R3HDM1: variants seen among roughly 807,000 people sequenced by gnomAD.
The protein encoded by R3HDM1 is R3H domain-containing protein 1.
A neutral mutation model predicts 141.1 loss-of-function variants in R3HDM1; 46 were observed. The observed-to-expected ratio is 0.33, with a 90% CI of 0.26 to 0.42. The LOEUF (loss-of-function observed/expected upper bound fraction) is 0.42. Ranked by LOEUF, R3HDM1 falls within the 10% of genes least tolerant of loss-of-function variation. R3HDM1 has a pLI of 1.00. For missense variants in R3HDM1, 1,184 were observed against 1,368.3 expected, an observed-to-expected ratio of 0.87 and a Z score of 2.12; for synonymous variants, 435 against 472.9, an observed-to-expected ratio of 0.92 and a Z score of 1.04.
chr2:135,722,457 G>A lies in R3HDM1; in HGVS notation c.2965-12G>A. ...TATTAACGTTGTTTCTCAACTATTT[G>A]TGGGTTTTCAGGGTCAGCCTGGCAG... On this transcript the variant is annotated splice_polypyrimidine_tract_variant and intron_variant, in intron 25 of 26. Transcript: ENST00000683871. 2 of 1,613,022 alleles carry A rather than the reference G, an allele frequency of 1.2e-6. No homozygotes were observed. The highest frequency in any genetic ancestry group is 2.2e-5 in the East Asian group (1 of 44,870).
At chr2:135,547,867 A>G (rs1032259899) in intron 1 of R3HDM1, among the ~76,000 whole-genome samples, 2 of 141,720 alleles carry the variant, frequency 1.4e-5, no homozygotes, top group Non-Finnish European at 3.0e-5. Flanking sequence ...TCCACTTCCC[A>G]GGTTCAAGTG....
chr2:135,691,405 G>A (rs1439760572), intron 21 of R3HDM1, among the ~76,000 whole-genome samples: 1 of 152,136 alleles, frequency 6.6e-6, no homozygotes, highest in Non-Finnish European at 1.5e-5. Context: ...CTTGAGCTCA[G>A]GAGTTCAAGA....
At chr2:135,708,540 T>C (rs2075224681) in intron 21 of R3HDM1, among the ~76,000 whole-genome samples, 1 of 152,220 alleles carries the variant, frequency 6.6e-6, no homozygotes, top group African/African-American at 2.4e-5. Context: ...AGATATAAAT[T>C]ATGGCTCTCA....
intron 20 of R3HDM1, among the ~76,000 whole-genome samples, chr2:135,677,139 T>C (rs2069326584): frequency 6.6e-6 from 1 of 152,188 alleles, no homozygotes; most frequent in African/African-American, 2.4e-5. Context: ...GCAAGCATAT[T>C]CCATATAATT....
chr2:135,562,234 C>G (rs544673371), intron 1 of R3HDM1, among the ~76,000 whole-genome samples: 1 of 152,286 alleles, frequency 6.6e-6, no homozygotes. Context: ...GGCATCCAGG[C>G]TTTACATTTG....
chr2:135,669,322 C>G (rs2067979548), intron 19 of R3HDM1: 3 of 985,258 alleles, frequency 3.0e-6, no homozygotes, highest in Non-Finnish European at 3.6e-6. Context: ...TGGCTACCAT[C>G]TGAACTAACT....
rs1036077182 is a variant in R3HDM1, at chr2:135,714,109, C to T, written c.2737-1441C>T. 1.6e-4 allele frequency among the ~76,000 whole-genome samples: 24 copies of T among 151,462 alleles called. No individual in the cohort carries two copies. The East Asian group carries it at 4.5e-3, about 28-fold the overall frequency. ...AGCATAATTTTTTTTTAAAGTATCT[C>T]CCTACAAGATACTTAAAACTACAAA... On this transcript the variant is annotated intron_variant, in intron 23 of 26. Coordinates refer to ENST00000683871, the MANE Select transcript of R3HDM1 (RefSeq NM_001378107.1).
chr2:135,632,217 A>T lies in R3HDM1; in HGVS notation c.698+216A>T, dbSNP rs566703670. Among the ~76,000 whole-genome samples the T allele has an allele frequency of 9.2e-5, 14 of 152,172 alleles. No homozygotes were observed. The South Asian group carries it at 2.9e-3, about 32-fold the overall frequency. On this transcript the variant is annotated intron_variant, in intron 9 of 26. Transcript: ENST00000683871. ...ATGGCATATGAATGAGGACTGGGGC[A>T]TATGGTAAAAAAATAAAAATCCAGA... is the stretch of plus-strand genomic sequence containing the variant.
intron 1 of R3HDM1, among the ~76,000 whole-genome samples, chr2:135,546,254 C>T (rs182657440): frequency 2.6e-5 from 4 of 151,986 alleles, no homozygotes; most frequent in African/African-American, 2.4e-5. Flanking sequence ...GGGAGGAAGG[C>T]GATAGGCAGG....
intron 19 of R3HDM1, among the ~76,000 whole-genome samples, chr2:135,662,071 A>G (rs886974019): frequency 2.6e-5 from 4 of 152,184 alleles, no homozygotes; most frequent in Non-Finnish European, 5.9e-5. Context: ...TAATGAACTC[A>G]TTTCTCTGTA....
At chr2:135,573,099 A>AT (rs1360639358) in intron 1 of R3HDM1, among the ~76,000 whole-genome samples, 1 of 152,214 alleles carries the variant, frequency 6.6e-6, no homozygotes, top group Non-Finnish European at 1.5e-5. Context: ...AACTATGAAT[A>AT]TACTAAAAAG....
chr2:135,661,634 TTTG>T (rs2066727200), intron 19 of R3HDM1, among the ~76,000 whole-genome samples: 1 of 152,148 alleles, frequency 6.6e-6, no homozygotes, highest in Non-Finnish European at 1.5e-5. Flanking sequence ...TCTTAAGCAG[TTTG>T]TTAAGTGGCT....
intron 24 of R3HDM1, among the ~76,000 whole-genome samples, chr2:135,716,528 A>G (rs11679508): frequency 6.6e-6 from 1 of 152,036 alleles, no homozygotes; most frequent in African/African-American, 2.4e-5. Context: ...AAAGATTTAT[A>G]TACAGAAGAG....
intron 1 of R3HDM1, among the ~76,000 whole-genome samples, chr2:135,547,476 C>CTT (rs57305680): frequency 3.6e-5 from 5 of 138,138 alleles, no homozygotes; most frequent in African/African-American, 7.9e-5. Flanking sequence ...TTCTAATTGT[C>CTT]TTTTTTTTTT....
intron 15 of R3HDM1, among the ~76,000 whole-genome samples, chr2:135,644,366 G>A (rs2064143335): frequency 6.6e-6 from 1 of 151,938 alleles, no homozygotes; most frequent in Non-Finnish European, 1.5e-5. Context: ...AGCCGGGCGT[G>A]GTGGCAGGTG....
intron 1 of R3HDM1, among the ~76,000 whole-genome samples, chr2:135,579,598 G>GGT (rs1227873576): frequency 1.3e-5 from 2 of 150,028 alleles, no homozygotes; most frequent in African/African-American, 5.0e-5. Flanking sequence ...GGGGTGGCGG[G>GGT]GGGGGGTGGA....
chr2:135,656,521 G>A (rs1362397537), intron 18 of R3HDM1: 1 of 151,684 alleles, frequency 6.6e-6, no homozygotes, highest in African/African-American at 2.4e-5. Context: ...TCCTTGTGCA[G>A]GGGCCATGCT....
rs1009113590 is a variant in R3HDM1, at chr2:135,725,025, C to A, written c.*733C>A. 6.6e-6 allele frequency: 1 copy of A among 152,288 alleles called. No individual in the cohort carries two copies. The highest frequency in any genetic ancestry group is 2.4e-5 in the African/African-American group (1 of 41,316). 9.4% of individuals were successfully genotyped at this position (152,288 alleles called of 1,614,324 possible). A position where few individuals can be genotyped will look rare whatever the true frequency, so the allele number is the denominator to read the frequency against. ...AAGTATCTCTCTAATAACTAAATGCCACTTATTTGCATTCTCCTTGTGGAT... is the reference window on the plus strand; with the variant it reads ...AAGTATCTCTCTAATAACTAAATGCAACTTATTTGCATTCTCCTTGTGGAT... On this transcript the variant is annotated 3_prime_UTR_variant, in exon 27 of 27. Transcript: ENST00000683871.
At chr2:135,620,575 T>C in intron 5 of R3HDM1, 1 of 982,414 alleles carries the variant, frequency 1.0e-6, no homozygotes, top group Non-Finnish European at 1.2e-6. Context: ...CAGGTAGCAG[T>C]CCTATTGGGG....
Sources: gnomAD v4.1 joint callset for allele counts (sites outside exome capture counted in the v4.1 genomes callset) on GRCh38, gnomAD v4.1.1 for gene constraint, MANE v1.5 for transcripts, NCBI Gene and HGNC (gene_info 2026-07-23, HGNC 2026-07-21) for gene names.